The following FAM216A variants were observed in gnomAD, a reference collection of about 807,000 sequenced individuals.
FAM216A encodes the protein family with sequence similarity 216 member A, also known as protein FAM216A.
Under a neutral mutation model 37.6 loss-of-function variants are expected in FAM216A, and 26 were observed. The ratio of observed to expected loss-of-function variants is 0.69; its 90% CI spans 0.51 to 0.96. The LOEUF is 0.96. Among genes scored for constraint, FAM216A ranks in the 40% least tolerant of loss-of-function variants. The pLI is 0.00. For synonymous variants in FAM216A, 110 were observed against 121.7 expected (o/e 0.90, Z 0.64); for missense variants, 326 against 339.3 (o/e 0.96, Z 0.31).
chr12:110,473,087 A>G lies in FAM216A; in HGVS notation c.153A>G (p.Gly51=), dbSNP rs1264042258. 1.5e-5 allele frequency: 24 copies of G among 1,555,998 alleles called. No individual in the cohort carries two copies. Among genetic ancestry groups the G allele is most frequent in the Non-Finnish European group, 1.8e-5 (21 of 1,138,756 alleles). Residue 51 remains glycine (G), a synonymous_variant, in exon 2 of 7, where the codon GGA becomes GGG. Coordinates refer to ENST00000377673, the MANE Select transcript of FAM216A (RefSeq NM_013300.3). ...GTEGGGGGSA[G]YSCYQNSKGS... ...TTTATTTTTTCAACAGATCAGCTGG[A>G]TACTCTTGTTACCAGAATTCCAAAG...
chr12:110,469,767 C>T (rs1170369199), intron 1 of FAM216A, among the ~76,000 whole-genome samples: 1 of 152,124 alleles, frequency 6.6e-6, no homozygotes, highest in Admixed American at 6.6e-5. Context: ...GCCTCGGCCT[C>T]CCAAATTGCT....
chr12:110,471,097 T>C (rs1480608520), intron 1 of FAM216A, among the ~76,000 whole-genome samples: 1 of 152,032 alleles, frequency 6.6e-6, no homozygotes, highest in African/African-American at 2.4e-5. Flanking sequence ...CCTTACTTTT[T>C]TTCTTCTTTT....
At chr12:110,482,622 C>T (rs1304878545) in intron 2 of FAM216A, among the ~76,000 whole-genome samples, 10 of 151,040 alleles carry the variant, frequency 6.6e-5, no homozygotes, top group Non-Finnish European at 1.0e-4. Flanking sequence ...GGTGAAACCC[C>T]GTCTCTACTA....
chr12:110,488,458 C>T (rs2062789408), intron 6 of FAM216A, among the ~76,000 whole-genome samples: 1 of 150,562 alleles, frequency 6.6e-6, no homozygotes, highest in Non-Finnish European at 1.5e-5. Flanking sequence ...ACATACTGCT[C>T]AAAAGAGTAA....
At chr12:110,477,206 T>C (rs1175620552) in intron 2 of FAM216A, among the ~76,000 whole-genome samples, 1 of 152,226 alleles carries the variant, frequency 6.6e-6, no homozygotes, top group African/African-American at 2.4e-5. Context: ...ATCGTTTGGT[T>C]CAGGTGATGT....
At chr12:110,477,659 T>C (rs945884759) in intron 2 of FAM216A, among the ~76,000 whole-genome samples, 3 of 151,742 alleles carry the variant, frequency 2.0e-5, no homozygotes, top group Non-Finnish European at 4.4e-5. Context: ...CCCAGTCTTG[T>C]CATCCATTCT....
At chr12:110,472,437 C>T (rs980867315) in intron 1 of FAM216A, among the ~76,000 whole-genome samples, 2 of 151,724 alleles carry the variant, frequency 1.3e-5, no homozygotes, top group Non-Finnish European at 2.9e-5. Context: ...ATTAGCCAGG[C>T]GTTTTGGTGG....
chr12:110,468,841 C>G (rs762195352), upstream of FAM216A: 6 of 1,478,110 alleles, frequency 4.1e-6, no homozygotes, highest in Non-Finnish European at 5.4e-6. Flanking sequence ...TCCGGAATAC[C>G]AGCAGCCTGA....
At chr12:110,486,742 G>A (rs182072399) in intron 5 of FAM216A, 25 bp downstream of exon 5, 4 of 1,583,386 alleles carry the variant, frequency 2.5e-6, no homozygotes, top group East Asian at 4.5e-5. Flanking sequence ...GTAAAAGGGG[G>A]GAAATGCATC....
chr12:110,481,307 A>G (rs1402911688), intron 2 of FAM216A, among the ~76,000 whole-genome samples: 2 of 152,170 alleles, frequency 1.3e-5, no homozygotes, highest in African/African-American at 4.8e-5. Flanking sequence ...ATTAGATTAT[A>G]TGGCAATTCT....
chr12:110,485,227 C>T (rs373871530), intron 3 of FAM216A, 28 bp downstream of exon 3: 256 of 1,585,078 alleles, frequency 1.6e-4, no homozygotes, highest in Non-Finnish European at 2.1e-4. Flanking sequence ...TATTTAAATA[C>T]CAATACTCTT....
At chr12:110,478,594 TGAA>T (rs1399406329) in intron 2 of FAM216A, among the ~76,000 whole-genome samples, 1 of 152,076 alleles carries the variant, frequency 6.6e-6, no homozygotes, top group Non-Finnish European at 1.5e-5. Context: ...ATTGTTGGCT[TGAA>T]GATGAAGAGA....
chr12:110,469,296 C>T, intron 1 of FAM216A: 1 of 375,702 alleles, frequency 2.7e-6, no homozygotes, highest in Non-Finnish European at 4.7e-6. Flanking sequence ...GCGTGCATCT[C>T]TCTGCCCCGA....
chr12:110,487,571 CT>C (rs1309399760), intron 5 of FAM216A: 1 of 300,578 alleles, frequency 3.3e-6, no homozygotes, highest in African/African-American at 2.2e-5. Context: ...ATAATTCCCA[CT>C]CAACCTCAAA....
intron 2 of FAM216A, among the ~76,000 whole-genome samples, chr12:110,483,047 C>T (rs1214222743): frequency 6.6e-6 from 1 of 151,982 alleles, no homozygotes; most frequent in Admixed American, 6.6e-5. Context: ...ATTTCGGGGC[C>T]AGGCGCGGTG....
chr12:110,478,269 TTA>T (rs2062725977), intron 2 of FAM216A, among the ~76,000 whole-genome samples: 2 of 152,210 alleles, frequency 1.3e-5, no homozygotes, highest in Admixed American at 1.3e-4. Flanking sequence ...TTGAAAACTT[TTA>T]TCTTTTAGCA....
upstream of FAM216A, chr12:110,468,724 C>G (rs1592971717): frequency 6.7e-7 from 1 of 1,500,520 alleles, no homozygotes; most frequent in Non-Finnish European, 8.9e-7. Flanking sequence ...GCCCCTCCCC[C>G]ACCGTAACTC....
chr12:110,468,514 C>T, upstream of FAM216A: 2 of 1,537,306 alleles, frequency 1.3e-6, no homozygotes, highest in Non-Finnish European at 1.7e-6. Context: ...CATCCTTGCG[C>T]CACGTGCTTC....
chr12:110,489,660 G>A (rs1157209266), intron 6 of FAM216A, among the ~76,000 whole-genome samples: 1 of 151,360 alleles, frequency 6.6e-6, no homozygotes, highest in Non-Finnish European at 1.5e-5. Flanking sequence ...GGAAACTGTA[G>A]GGGGGGGAGT....
Sources: gnomAD v4.1 joint callset for allele counts (sites outside exome capture counted in the v4.1 genomes callset) on GRCh38, gnomAD v4.1.1 for gene constraint, MANE v1.5 for transcripts, NCBI Gene and HGNC (gene_info 2026-07-23, HGNC 2026-07-21) for gene names.